The following HNMT variants were observed in gnomAD, a reference collection of about 807,000 sequenced individuals.
HNMT encodes the protein histamine N-methyltransferase.
HNMT carries 30 observed loss-of-function variants against 32.1 expected under a neutral mutation model. The observed-to-expected ratio is 0.93, with a 90% CI of 0.70 to 1.27. The LOEUF (loss-of-function observed/expected upper bound fraction) is 1.27. Among genes scored for constraint, HNMT ranks in the 50% most tolerant of loss-of-function variants. The pLI is 0.00. For synonymous variants in HNMT, 125 were observed against 119.0 expected (o/e 1.05, Z -0.33); for missense variants, 327 against 346.0 (o/e 0.95, Z 0.43).
chr2:138,003,475 A>G (rs114602795), intron 4 of HNMT, among the ~76,000 whole-genome samples: 1 of 152,266 alleles, frequency 6.6e-6, no homozygotes, highest in African/African-American at 2.4e-5. Context: ...AAAGGAAGAA[A>G]TACTCCAATT....
intron 2 of HNMT, among the ~76,000 whole-genome samples, chr2:137,977,060 T>C (rs1376841314): frequency 6.6e-6 from 1 of 152,212 alleles, no homozygotes; most frequent in Admixed American, 6.5e-5. Context: ...GACTGTATAC[T>C]TACAAAAGCA....
At chr2:138,007,321 A>G (rs1681357542) in intron 5 of HNMT, among the ~76,000 whole-genome samples, 1 of 152,032 alleles carries the variant, frequency 6.6e-6, no homozygotes, top group Non-Finnish European at 1.5e-5. Context: ...TAAGAAAATA[A>G]ATAAATTAAA....
At chr2:137,996,345 G>A (rs944025100) in intron 2 of HNMT, among the ~76,000 whole-genome samples, 1 of 152,118 alleles carries the variant, frequency 6.6e-6, no homozygotes, top group Non-Finnish European at 1.5e-5. Flanking sequence ...AAATCAATGT[G>A]CAAAAATCAC....
Position 138,014,573 on chromosome 2 carries a change from GTTC to G in HNMT, c.*448_*450del, listed in dbSNP as rs1681607192. 6.5e-6 allele frequency: 1 copy of G among 153,814 alleles called. No individual in the cohort carries two copies. Among genetic ancestry groups the G allele is most frequent in the South Asian group, 2.0e-4 (1 of 4,886 alleles). 9.5% of individuals were successfully genotyped at this position (153,814 alleles called of 1,614,324 possible). A position where few individuals can be genotyped will look rare whatever the true frequency, so the allele number is the denominator to read the frequency against. On this transcript the variant is annotated 3_prime_UTR_variant, in exon 6 of 6. Coordinates refer to ENST00000280097, the MANE Select transcript of HNMT (RefSeq NM_006895.3). ...TGTGAAGAAACATTTATCTTTGTAC[GTTC>G]TTCTATTGTGCTTTCTATCTAATTT...
rs377291486 is a variant in HNMT at position 138,001,014 on chromosome 2, C to A, written c.287C>A (p.Ala96Asp). The A allele has an allele frequency of 3.6e-5, 58 of 1,595,634 alleles. No individual in the cohort carries two copies. The highest frequency in any genetic ancestry group is 4.9e-5 in the Non-Finnish European group (57 of 1,166,918). Residue 96 changes from alanine (A) to aspartate (D), a missense_variant, in exon 3 of 6, where the codon GCC becomes GAC. Ala to Asp is a moderately radical substitution (Grantham distance 126). Coordinates refer to ENST00000280097, the MANE Select transcript of HNMT (RefSeq NM_006895.3). ...EVVEPSAEQI[A>D]KYKELVAKTS... Reference sequence around the variant, plus strand: ...GTTGAGCCAAGTGCTGAACAAATTGCCAAATACAAAGGTACCTGTAACTCC... The same window carrying A: ...GTTGAGCCAAGTGCTGAACAAATTGACAAATACAAAGGTACCTGTAACTCC...
intron 2 of HNMT, among the ~76,000 whole-genome samples, chr2:137,980,907 G>A (rs564715693): frequency 1.3e-5 from 2 of 152,232 alleles, no homozygotes; most frequent in African/African-American, 2.4e-5. Flanking sequence ...GGAATCTTCT[G>A]TCTTTCATAT....
chr2:137,983,612 C>T (rs934416289), intron 2 of HNMT, among the ~76,000 whole-genome samples: 5 of 152,046 alleles, frequency 3.3e-5, no homozygotes, highest in Non-Finnish European at 7.4e-5. Context: ...AAAAGTAACT[C>T]GAAGTAGTGG....
chr2:137,976,352 G>T lies in HNMT; in HGVS notation c.190+6135G>T, dbSNP rs1351092826. ...TGGGAGATAAAAAGTCATTCTAGTG[G>T]TGTCAGCACAGGTTGGAGAAATACT... On this transcript the variant is annotated intron_variant, in intron 2 of 5. Coordinates refer to ENST00000280097, the MANE Select transcript of HNMT (RefSeq NM_006895.3). Among the ~76,000 whole-genome samples, 5 of 151,590 alleles carry T rather than the reference G, an allele frequency of 3.3e-5. No individual in the cohort carries two copies. In the East Asian group the frequency reaches 9.6e-4, roughly 29 times the overall value.
intron 2 of HNMT, among the ~76,000 whole-genome samples, chr2:137,984,806 A>G (rs1425018781): frequency 2.6e-5 from 4 of 152,212 alleles, no homozygotes; most frequent in Non-Finnish European, 5.9e-5. Context: ...TTTAAAAGTT[A>G]CCATATGATG....
Position 138,006,142 on chromosome 2 carries a change from A to C in HNMT, c.523+917A>C, listed in dbSNP as rs535163292. Among the ~76,000 whole-genome samples, 18 of 152,106 alleles carry C rather than the reference A, an allele frequency of 1.2e-4. No homozygotes were observed. In the South Asian group the frequency reaches 3.7e-3, roughly 31 times the overall value. The stretch of plus-strand genomic sequence containing the variant: ...CTGCAAGGGAACATTTAGATATACT[A>C]TTTTTATCTCTATTTAGTTAAAAAT... On this transcript the variant is annotated intron_variant, in intron 5 of 5. Coordinates refer to ENST00000280097, the MANE Select transcript of HNMT (RefSeq NM_006895.3).
chr2:137,994,876 A>G (rs1680941128), intron 2 of HNMT, among the ~76,000 whole-genome samples: 1 of 152,192 alleles, frequency 6.6e-6, no homozygotes, highest in Admixed American at 6.5e-5. Context: ...TCAAAACCAC[A>G]TAATTACATG....
intron 2 of HNMT, among the ~76,000 whole-genome samples, chr2:137,979,492 T>G (rs1162234912): frequency 6.6e-6 from 1 of 151,928 alleles, no homozygotes; most frequent in Non-Finnish European, 1.5e-5. Flanking sequence ...GACCTCGTGA[T>G]CCACCCACCT....
intron 2 of HNMT, among the ~76,000 whole-genome samples, chr2:137,976,273 C>A (rs3113207): frequency 0.81 from 104,603 of 128,500 alleles, 40,744 homozygotes; most frequent in East Asian, 0.9. Context: ...CTCAAAAAAA[C>A]AAAAAACAAA....
At chr2:137,972,798 A>T (rs1415482754) in intron 2 of HNMT, among the ~76,000 whole-genome samples, 1 of 152,204 alleles carries the variant, frequency 6.6e-6, no homozygotes, top group Non-Finnish European at 1.5e-5. Flanking sequence ...TACAAGAAAA[A>T]GTAATTAAAA....
At chr2:137,993,368 T>C (rs1025225581) in intron 2 of HNMT, among the ~76,000 whole-genome samples, 1 of 152,108 alleles carries the variant, frequency 6.6e-6, no homozygotes, top group African/African-American at 2.4e-5. Flanking sequence ...AAACAACATG[T>C]TGGAGCTGAA....
chr2:138,007,048 C>A (rs1287751197), intron 5 of HNMT, among the ~76,000 whole-genome samples: 2 of 151,954 alleles, frequency 1.3e-5, no homozygotes, highest in Non-Finnish European at 2.9e-5. Context: ...GACAGCTGTT[C>A]CAAAGAGGAA....
intron 2 of HNMT, among the ~76,000 whole-genome samples, chr2:137,989,100 T>C (rs1183017744): frequency 1.3e-5 from 2 of 152,186 alleles, no homozygotes; most frequent in Non-Finnish European, 2.9e-5. Context: ...TAGAAGCTCA[T>C]AGTTTACTTT....
At chr2:137,968,583 T>A (rs1255641919) in intron 1 of HNMT, among the ~76,000 whole-genome samples, 2 of 152,228 alleles carry the variant, frequency 1.3e-5, no homozygotes, top group African/African-American at 4.8e-5. Context: ...CAAGGTAACA[T>A]AACAGTAACC....
chr2:138,005,804 A>G (rs374094125), intron 5 of HNMT, among the ~76,000 whole-genome samples: 2 of 152,064 alleles, frequency 1.3e-5, no homozygotes, highest in South Asian at 2.1e-4. Flanking sequence ...TAAGTATCAC[A>G]CAGAGAACCC....
Sources: gnomAD v4.1 joint callset for allele counts (sites outside exome capture counted in the v4.1 genomes callset) on GRCh38, gnomAD v4.1.1 for gene constraint, MANE v1.5 for transcripts, NCBI Gene and HGNC (gene_info 2026-07-23, HGNC 2026-07-21) for gene names.